ABCC10: variants seen among roughly 807,000 people sequenced by gnomAD.
ABCC10 encodes the protein ATP-binding cassette sub-family C member 10.
A neutral mutation model predicts 143.2 loss-of-function variants in ABCC10; 110 were observed. The ratio of observed to expected loss-of-function variants is 0.77; its 90% CI spans 0.66 to 0.90. The LOEUF is 0.90. Among genes scored for constraint, ABCC10 ranks in the 40% least tolerant of loss-of-function variants. The probability of loss-of-function intolerance (pLI) is 0.00; values close to 1 mark genes in which losing one functional copy is unlikely to be tolerated. For missense variants in ABCC10, 1,700 were observed against 1,900.5 expected (o/e 0.89, Z 1.96); for synonymous variants, 805 against 846.7 (o/e 0.95, Z 0.85).
chr6:43,443,157 C>A lies in ABCC10; in HGVS notation c.2414C>A (p.Ala805Asp). ...ATGGAGGCCGGGCGCCTCATCCGGGCTGGTAATGGGGGCAGGAGCCCCGTG... is the reference window on the plus strand; with the variant it reads ...ATGGAGGCCGGGCGCCTCATCCGGGATGGTAATGGGGGCAGGAGCCCCGTG... ...LLMEAGRLIR[A>D]GPPSEILPLV... The change falls in exon 10 of 22, where the codon GCT becomes GAT. Residue 805 changes from alanine to aspartate, a missense_variant and splice_region_variant. Transcript: ENST00000372530. The surrounding 1 kb of genome is among the most constrained non-coding windows in gnomAD (Gnocchi z 4.2). The A allele has an allele frequency of 6.3e-7, 1 of 1,595,190 alleles. No individual in the cohort carries two copies. Among genetic ancestry groups the A allele is most frequent in the Non-Finnish European group, 8.5e-7 (1 of 1,175,810 alleles).
Position 43,450,125 on chromosome 6 carries a change from T to C in ABCC10, c.*34T>C. The C allele has an allele frequency of 6.4e-7, 1 of 1,559,040 alleles. No individual in the cohort carries two copies. The highest frequency in any genetic ancestry group is 8.7e-7 in the Non-Finnish European group (1 of 1,149,866). On this transcript the variant is annotated 3_prime_UTR_variant, in exon 22 of 22. Coordinates refer to ENST00000372530, the MANE Select transcript of ABCC10 (RefSeq NM_001198934.2). This position sits in a 1 kb window ranked among gnomAD's most constrained non-coding sequence, Gnocchi z 4.5. ...CCACACCCTGCAGAGTTCTCCCCTCTCTCTGATCCAGGCCGGGCCTATACA... is the reference window on the plus strand; with the variant it reads ...CCACACCCTGCAGAGTTCTCCCCTCCCTCTGATCCAGGCCGGGCCTATACA...
chr6:43,432,567 G>C lies in ABCC10; in HGVS notation c.587G>C (p.Arg196Pro). 3 of 1,613,514 alleles carry C rather than the reference G, an allele frequency of 1.9e-6. No homozygotes were observed. In the East Asian group the frequency reaches 6.7e-5, roughly 36 times the overall value. Residue 196 changes from arginine (R) to proline (P), a missense_variant, in exon 3 of 22, where the codon CGA (arginine) becomes CCA (proline). By Grantham distance (103) the Arg-to-Pro change is moderately radical. Coordinates refer to ENST00000372530, the MANE Select transcript of ABCC10 (RefSeq NM_001198934.2). The part of the protein sequence containing the change: ...ALGWAAPGGP[R>P]EPWAQEPLLP... ...GGATGGGCAGCTCCTGGGGGACCAC[G>C]AGAACCCTGGGCTCAGGAGCCCCTC...
intron 2 of ABCC10, 41 bp from the exon 3 acceptor site, chr6:43,432,101 T>C: frequency 6.2e-7 from 1 of 1,601,800 alleles, no homozygotes; most frequent in Non-Finnish European, 8.5e-7. Context: ...GGCTCCTGAG[T>C]CAGCCACGAT....
chr6:43,444,581 C>A (rs1478180862), intron 12 of ABCC10, among the ~76,000 whole-genome samples: 3 of 152,190 alleles, frequency 2.0e-5, no homozygotes, highest in Non-Finnish European at 4.4e-5. Flanking sequence ...AGTCTGAGAT[C>A]CTGTTCTCCC....
chr6:43,431,123 C>G (rs962655522), intron 2 of ABCC10, among the ~76,000 whole-genome samples: 1 of 152,106 alleles, frequency 6.6e-6, no homozygotes, highest in Admixed American at 6.5e-5. Context: ...AGATATTTTT[C>G]TTTAGCTAAA....
rs1489540426 is a variant in ABCC10 at position 43,445,255 on chromosome 6, G to C, written c.2971G>C (p.Ala991Pro). ...CTLLRAVLFA[A>P]GTLQAAATLH... ...CCTTCTCCGGGCAGTGCTCTTTGCAGCAGGCACCCTTCAAGCAGCTGCCAC... is the reference window on the plus strand; with the variant it reads ...CCTTCTCCGGGCAGTGCTCTTTGCACCAGGCACCCTTCAAGCAGCTGCCAC... Residue 991 changes from alanine (A) to proline (P), a missense_variant, in exon 14 of 22, where the codon GCA becomes CCA. Physicochemically the swap from Ala to Pro is conservative, Grantham distance 27 (BLOSUM62 -1). Coordinates refer to ENST00000372530, the MANE Select transcript of ABCC10 (RefSeq NM_001198934.2). 13 of 1,613,886 alleles carry C rather than the reference G, an allele frequency of 8.1e-6. No individual in the cohort carries two copies. Among genetic ancestry groups the C allele is most frequent in the Non-Finnish European group, 1.1e-5 (13 of 1,179,980 alleles).
chr6:43,427,783 A>G (rs1780659145), intron 1 of ABCC10, 26 bp downstream of exon 1: 1 of 645,700 alleles, frequency 1.5e-6, no homozygotes, highest in Non-Finnish European at 2.7e-6. Flanking sequence ...CCAGAAATCC[A>G]CTGGGGAAAC....
chr6:43,434,076 G>A (rs1043823041), intron 3 of ABCC10, among the ~76,000 whole-genome samples: 3 of 152,254 alleles, frequency 2.0e-5, no homozygotes, highest in African/African-American at 7.2e-5. Flanking sequence ...CCCTACCTGT[G>A]ACAGCTACAG....
intron 2 of ABCC10, among the ~76,000 whole-genome samples, chr6:43,430,193 C>T (rs1047659295): frequency 1.3e-5 from 2 of 152,060 alleles, no homozygotes; most frequent in East Asian, 2.0e-4. Flanking sequence ...TGGGTTCAAG[C>T]GATTCTCCTG....
chr6:43,449,550 G>A lies in ABCC10; in HGVS notation c.4316+16G>A, dbSNP rs755992235. The A allele has an allele frequency of 1.9e-6, 3 of 1,600,274 alleles. No homozygotes were observed. Among genetic ancestry groups the A allele is most frequent in the South Asian group, 1.1e-5 (1 of 90,230 alleles). On this transcript the variant is annotated intron_variant, in intron 21 of 21. Transcript: ENST00000372530. ...TTGCCCATAGGTATGTAAACGCCTG[G>A]TAACAGCCTAATCAGGGACTGTGGT...
chr6:43,449,405 C>T lies in ABCC10; in HGVS notation c.4204-17C>T. ...CTCTCCTTCCTTCTTATCCCCTACC[C>T]CATTCCCATATTCCAGATCCTGTGT... is the stretch of plus-strand genomic sequence containing the variant. On this transcript the variant is annotated splice_polypyrimidine_tract_variant and intron_variant, in intron 20 of 21. Coordinates refer to ENST00000372530, the MANE Select transcript of ABCC10 (RefSeq NM_001198934.2). 4 of 1,605,354 alleles carry T rather than the reference C, an allele frequency of 2.5e-6. No individual in the cohort carries two copies. Among genetic ancestry groups the T allele is most frequent in the Non-Finnish European group, 3.4e-6 (4 of 1,173,620 alleles).
At chr6:43,428,254 T>A in intron 2 of ABCC10, 115 bp downstream of exon 2, 1 of 1,225,232 alleles carries the variant, frequency 8.2e-7, no homozygotes, top group Non-Finnish European at 1.1e-6. Context: ...AGGGCAGAAG[T>A]AGAATAAAAT....
At chr6:43,434,939 G>T in intron 4 of ABCC10, 91 bp downstream of exon 4, 2 of 1,370,962 alleles carry the variant, frequency 1.5e-6, no homozygotes, top group East Asian at 2.4e-5. Context: ...CTGAGAAGGA[G>T]GGAGGGATCC....
Position 43,450,422 on chromosome 6 carries a change from G to A in ABCC10, c.*331G>A, listed in dbSNP as rs1783636669. 3 of 1,154,568 alleles carry A rather than the reference G, an allele frequency of 2.6e-6. No homozygotes were observed. The East Asian group carries it at 7.8e-5, about 30-fold the overall frequency. The allele number at this position is 1,154,568 out of a possible 1,614,324, so 71.5% of individuals were successfully genotyped here. On this transcript the variant is annotated 3_prime_UTR_variant, in exon 22 of 22. Transcript: ENST00000372530. This position sits in a 1 kb window ranked among gnomAD's most constrained non-coding sequence, Gnocchi z 4.5. ...GTGTATTAAAAAAATAATATTTCTGGTGTGAGGCTGAGGTCTCCTCTGTGT... is the reference window on the plus strand; with the variant it reads ...GTGTATTAAAAAAATAATATTTCTGATGTGAGGCTGAGGTCTCCTCTGTGT...
At chr6:43,442,336 GGA>G (rs898971622) in intron 9 of ABCC10, among the ~76,000 whole-genome samples, 3 of 152,170 alleles carry the variant, frequency 2.0e-5, no homozygotes, top group Admixed American at 6.5e-5. Context: ...GAGAGGCCGA[GGA>G]GGGTGGATCA....
In ABCC10 at chr6:43,443,333, T is replaced by G; in HGVS notation, c.2416+174T>G. On this transcript the variant is annotated intron_variant, in intron 10 of 21. Transcript: ENST00000372530. The surrounding 1 kb of genome is among the most constrained non-coding windows in gnomAD (Gnocchi z 4.2). ...GAGAACAGGAGGGAAAAGGAGTACG[T>G]TGGTAAAATGCCAGTGTATTTGGGA... is the stretch of plus-strand genomic sequence containing the variant. 1.5e-6 allele frequency: 1 copy of G among 659,756 alleles called. No individual in the cohort carries two copies. Among genetic ancestry groups the G allele is most frequent in the South Asian group, 2.5e-5 (1 of 39,480 alleles). 40.9% of individuals were successfully genotyped at this position (659,756 alleles called of 1,614,324 possible).
chr6:43,427,630 A>C lies in ABCC10; in HGVS notation c.-139A>C. 41 of 344,916 alleles carry C rather than the reference A, an allele frequency of 1.2e-4. No individual in the cohort carries two copies. Among genetic ancestry groups the C allele is most frequent in the East Asian group, 3.2e-4 (4 of 12,682 alleles). The allele number at this position is 344,916 out of a possible 1,614,324, so 21.4% of individuals were successfully genotyped here. On this transcript the variant is annotated 5_prime_UTR_variant, in exon 1 of 22. Coordinates refer to ENST00000372530, the MANE Select transcript of ABCC10 (RefSeq NM_001198934.2). ...GGCGGGCCCAGCACCCCGGCCGGGC[A>C]GTACTTTTTTTTTTTTTGCATACAC...
chr6:43,446,035 A>G, intron 15 of ABCC10, 93 bp downstream of exon 15: 2 of 1,393,688 alleles, frequency 1.4e-6, no homozygotes, highest in Non-Finnish European at 1.9e-6. Flanking sequence ...TGGTTGGTTC[A>G]GCCCTCCTGG....
chr6:43,429,283 G>GCCCA (rs1780837311), intron 2 of ABCC10, among the ~76,000 whole-genome samples: 1 of 151,964 alleles, frequency 6.6e-6, no homozygotes. Flanking sequence ...GCCTCCAAGG[G>GCCCA]CCCAGTGTTC....
Sources: gnomAD v4.1 joint callset for allele counts (sites outside exome capture counted in the v4.1 genomes callset) on GRCh38, gnomAD v4.1.1 for gene constraint, Gnocchi (gnomAD v3.1) non-coding constraint, MANE v1.5 for transcripts, NCBI Gene and HGNC (gene_info 2026-07-23, HGNC 2026-07-21) for gene names.